The following COL21A1 variants were observed in gnomAD, a reference collection of about 807,000 sequenced individuals.
COL21A1 encodes collagen type XXI alpha 1 chain, also known as collagen alpha-1(XXI) chain.
In COL21A1, 149 loss-of-function variants were observed where a neutral mutation model predicts 137.9. The ratio of observed to expected loss-of-function variants is 1.08; its 90% CI spans 0.95 to 1.24. The LOEUF is 1.24. Among genes scored for constraint, COL21A1 ranks in the 50% most tolerant of loss-of-function variants. The pLI is 0.00. For synonymous variants in COL21A1, 456 were observed against 391.5 expected, an observed-to-expected ratio of 1.16 and a Z score of -1.95; for missense variants, 1,167 against 1,158.4, an observed-to-expected ratio of 1.01 and a Z score of -0.11.
chr6:56,200,797 A>G (rs1779341854), intron 1 of COL21A1, among the ~76,000 whole-genome samples: 1 of 152,150 alleles, frequency 6.6e-6, no homozygotes, highest in Admixed American at 6.5e-5. Flanking sequence ...AGCATGATTT[A>G]TAATCCTTTG....
intron 1 of COL21A1, among the ~76,000 whole-genome samples, chr6:56,336,667 T>C (rs1030142010): frequency 4.6e-5 from 7 of 152,182 alleles, no homozygotes; most frequent in African/African-American, 1.4e-4. Context: ...AATGAGATCA[T>C]TTATGTGAAA....
At chr6:56,140,123 G>A (rs1358110159) in intron 12 of COL21A1, among the ~76,000 whole-genome samples, 1 of 152,090 alleles carries the variant, frequency 6.6e-6, no homozygotes, top group Non-Finnish European at 1.5e-5. Flanking sequence ...CCTAATGTAA[G>A]TTTTAACAAA....
At chr6:56,060,453 AGAAATT>A (rs1176720731) in intron 27 of COL21A1, 2 of 511,256 alleles carry the variant, frequency 3.9e-6, no homozygotes, top group Admixed American at 3.9e-5. Flanking sequence ...TGCCCCCAAA[AGAAATT>A]GGTGGACTAT....
intron 1 of COL21A1, among the ~76,000 whole-genome samples, chr6:56,201,089 G>A (rs1327623656): frequency 2.6e-5 from 4 of 152,108 alleles, no homozygotes; most frequent in Non-Finnish European, 5.9e-5. Context: ...TCTGTTGGCT[G>A]CATAAATGTC....
At chr6:56,187,296 T>C (rs559639118) in intron 1 of COL21A1, among the ~76,000 whole-genome samples, 58 of 152,194 alleles carry the variant, frequency 3.8e-4, no homozygotes, top group African/African-American at 1.2e-3. Context: ...AACTAACCCA[T>C]GAAAAGGATG....
chr6:56,136,396 A>G (rs1774008553), intron 12 of COL21A1, among the ~76,000 whole-genome samples: 1 of 152,092 alleles, frequency 6.6e-6, no homozygotes, highest in Non-Finnish European at 1.5e-5. Flanking sequence ...CACAGTCAAC[A>G]CTCTTGGGTG....
chr6:56,248,503 T>G (rs1782760876), upstream of COL21A1, among the ~76,000 whole-genome samples: 1 of 152,228 alleles, frequency 6.6e-6, no homozygotes, highest in Non-Finnish European at 1.5e-5. Flanking sequence ...TATCTGAAGG[T>G]TTTCATATCT....
intron 1 of COL21A1, among the ~76,000 whole-genome samples, chr6:56,317,673 A>G (rs1436026993): frequency 6.6e-6 from 1 of 151,970 alleles, no homozygotes; most frequent in East Asian, 1.9e-4. Flanking sequence ...CATAATCTCA[A>G]TTTTAAACAT....
At chr6:56,339,881 G>A (rs908293168) in intron 1 of COL21A1, among the ~76,000 whole-genome samples, 1 of 151,940 alleles carries the variant, frequency 6.6e-6, no homozygotes, top group Non-Finnish European at 1.5e-5. Context: ...GAGAATACCG[G>A]AAAAAATATA....
Position 56,064,604 on chromosome 6 carries a change from C to A in COL21A1, c.2146G>T (p.Gly716Ter). The change falls in exon 24 of 30, where the codon GGA (glycine) becomes TGA (stop). Residue 716 changes from glycine to a stop codon, truncating the protein, a stop_gained. Coordinates refer to ENST00000244728, the MANE Select transcript of COL21A1 (RefSeq NM_030820.4). LOFTEE classifies it high-confidence loss of function. ...KGIQGQKGEN[G>*]RQGIPGQQGI... ...TGTTGCCCTGGAATTCCCTGTCTTC[C>A]ATTTTCTCCCTTTTGACCCTTTAAA... 2 of 1,594,070 alleles carry A rather than the reference C, an allele frequency of 1.3e-6. No homozygotes were observed. The highest frequency in any genetic ancestry group is 1.3e-5 in the African/African-American group (1 of 74,412).
chr6:56,210,103 T>C (rs1033594525), intron 1 of COL21A1, among the ~76,000 whole-genome samples: 7 of 151,828 alleles, frequency 4.6e-5, no homozygotes, highest in South Asian at 2.1e-4. Flanking sequence ...CTGGGGCCTG[T>C]TGGGTGGTGG....
At chr6:56,337,664 A>G (rs73448988) in intron 1 of COL21A1, among the ~76,000 whole-genome samples, 25,528 of 152,188 alleles carry the variant, frequency 0.17, 3,094 homozygotes, top group African/African-American at 0.34. Context: ...GTGAAGATAA[A>G]ATGGGATAAT....
At chr6:56,242,055 A>G (rs1263076032) in intron 1 of COL21A1, among the ~76,000 whole-genome samples, 3 of 152,182 alleles carry the variant, frequency 2.0e-5, no homozygotes, top group Non-Finnish European at 4.4e-5. Flanking sequence ...ACTAACAAGG[A>G]ATGTTCCTCC....
intron 17 of COL21A1, among the ~76,000 whole-genome samples, chr6:56,083,454 G>A (rs1317844962): frequency 1.3e-5 from 2 of 151,768 alleles, no homozygotes; most frequent in Non-Finnish European, 2.9e-5. Context: ...TGATCAGATT[G>A]GGCCTCCTTA....
intron 18 of COL21A1, among the ~76,000 whole-genome samples, chr6:56,077,033 T>G (rs1295243075): frequency 6.6e-6 from 1 of 151,442 alleles, no homozygotes; most frequent in Non-Finnish European, 1.5e-5. Flanking sequence ...ACAGCAGATT[T>G]TTCAAAGTTA....
chr6:56,081,709 C>T (rs895454535), intron 17 of COL21A1, among the ~76,000 whole-genome samples: 1 of 151,688 alleles, frequency 6.6e-6, no homozygotes, highest in Non-Finnish European at 1.5e-5. Flanking sequence ...AGGAAATGAA[C>T]AGTTTTCTAT....
intron 1 of COL21A1, among the ~76,000 whole-genome samples, chr6:56,205,795 C>A (rs1362517511): frequency 6.6e-6 from 1 of 152,176 alleles, no homozygotes; most frequent in Admixed American, 6.5e-5. Context: ...TTGGCAGAAA[C>A]CCTATAAGCC....
intron 16 of COL21A1, among the ~76,000 whole-genome samples, chr6:56,118,257 A>G (rs1399199832): frequency 2.0e-5 from 3 of 151,876 alleles, no homozygotes; most frequent in African/African-American, 7.2e-5. Context: ...GATATTATAA[A>G]TGATACTGCA....
chr6:56,141,708 G>T, intron 12 of COL21A1, 77 bp downstream of exon 12: 1 of 1,465,248 alleles, frequency 6.8e-7, no homozygotes, highest in Non-Finnish European at 9.6e-7. Flanking sequence ...GCAGACTATT[G>T]AATGGAAACC....
Sources: gnomAD v4.1 joint callset for allele counts (sites outside exome capture counted in the v4.1 genomes callset) on GRCh38, gnomAD v4.1.1 for gene constraint, MANE v1.5 for transcripts, NCBI Gene and HGNC (gene_info 2026-07-23, HGNC 2026-07-21) for gene names.